Variants in SNTG1 observed in about 807,000 individuals in gnomAD.
The protein encoded by SNTG1 is gamma-1-syntrophin.
SNTG1 carries 39 observed loss-of-function variants against 74.7 expected under a neutral mutation model. The observed-to-expected ratio is 0.52, with a 90% CI of 0.40 to 0.68. The LOEUF (loss-of-function observed/expected upper bound fraction) is 0.68, where lower values mean the gene tolerates loss of function less well. Ranked by LOEUF, SNTG1 falls within the 30% of genes least tolerant of loss-of-function variation. SNTG1 has a pLI of 0.00. For missense variants in SNTG1, 685 were observed against 609.5 expected (o/e 1.12, Z -1.30); for synonymous variants, 254 against 217.1 (o/e 1.17, Z -1.49).
intron 1 of SNTG1, among the ~76,000 whole-genome samples, chr8:49,944,736 A>T (rs923009228): frequency 6.6e-6 from 1 of 152,026 alleles, no homozygotes; most frequent in African/African-American, 2.4e-5. Flanking sequence ...TAATAAAAAA[A>T]ATCCATGTAA....
At chr8:50,495,860 A>G (rs947075943) in intron 8 of SNTG1, among the ~76,000 whole-genome samples, 2 of 152,142 alleles carry the variant, frequency 1.3e-5, no homozygotes, top group Middle Eastern at 3.2e-3. Flanking sequence ...TGGTAGACAC[A>G]CAAATGGCAG....
chr8:50,382,155 A>G (rs2092498610), intron 2 of SNTG1: 1 of 152,024 alleles, frequency 6.6e-6, no homozygotes, highest in South Asian at 2.1e-4. Context: ...TCAAATGTTA[A>G]TCTTGGCAAA....
chr8:50,119,108 T>A (rs1209451758), intron 1 of SNTG1, among the ~76,000 whole-genome samples: 1 of 141,136 alleles, frequency 7.1e-6, no homozygotes, highest in Admixed American at 7.3e-5. Context: ...ACAAAACACC[T>A]CTGGAAGTAA....
intron 9 of SNTG1, among the ~76,000 whole-genome samples, chr8:50,515,025 A>G (rs543179745): frequency 7.3e-4 from 111 of 152,324 alleles, no homozygotes; most frequent in Admixed American, 5.9e-4. Context: ...TGTCTGGAAT[A>G]AATATGGTCA....
intron 2 of SNTG1, among the ~76,000 whole-genome samples, chr8:50,284,889 T>C (rs1681415611): frequency 6.6e-6 from 1 of 152,156 alleles, no homozygotes. Context: ...TATATTCACA[T>C]TTTTGCAAAA....
intron 9 of SNTG1, among the ~76,000 whole-genome samples, chr8:50,524,452 C>T (rs972090685): frequency 1.3e-4 from 19 of 151,934 alleles, no homozygotes; most frequent in African/African-American, 4.3e-4. Context: ...TTATTAAATA[C>T]TATTAACCGT....
chr8:50,313,471 C>A (rs1056241237), intron 2 of SNTG1, among the ~76,000 whole-genome samples: 2 of 149,542 alleles, frequency 1.3e-5, no homozygotes, highest in Admixed American at 6.8e-5. Flanking sequence ...AGCAGGAAAA[C>A]AATCCTGTGA....
In SNTG1 at chr8:50,791,542, C is replaced by T. The variant is rs2095690625; in HGVS notation, c.1396-1129C>T. 2.0e-5 allele frequency among the ~76,000 whole-genome samples: 3 copies of T among 151,692 alleles called. No homozygotes were observed. The South Asian group carries it at 6.2e-4, about 31-fold the overall frequency. ...CGGATGAATTATTTTATTTAAATAG[C>T]TGTCTGGTACACGACAGATATTACA... is the stretch of plus-strand genomic sequence containing the variant. On this transcript the variant is annotated intron_variant, in intron 18 of 18. Coordinates refer to ENST00000642720, the MANE Select transcript of SNTG1 (RefSeq NM_018967.5).
At chr8:50,549,866 ACTT>A (rs755154057) in intron 11 of SNTG1, among the ~76,000 whole-genome samples, 4 of 152,158 alleles carry the variant, frequency 2.6e-5, no homozygotes, top group African/African-American at 7.2e-5. Flanking sequence ...GATTCTACTC[ACTT>A]CTTCTTAATT....
At chr8:50,463,874 C>A (rs1311697085) in intron 8 of SNTG1, among the ~76,000 whole-genome samples, 1 of 152,202 alleles carries the variant, frequency 6.6e-6, no homozygotes, top group Non-Finnish European at 1.5e-5. Flanking sequence ...ATTTTGTCTA[C>A]AGTGAAAAAT....
In SNTG1 at chr8:50,792,934, G is replaced by A; in HGVS notation, c.*105G>A. The stretch of plus-strand genomic sequence containing the variant: ...CCATAACATCACCAAGTCGACAGTG[G>A]AGGCAAATCAAAATTTCGGCAGAAA... On this transcript the variant is annotated 3_prime_UTR_variant, in exon 19 of 19. Transcript: ENST00000642720. 7.7e-7 allele frequency: 1 copy of A among 1,301,738 alleles called. No homozygotes were observed. 80.6% of individuals were successfully genotyped at this position (1,301,738 alleles called of 1,614,324 possible).
rs778540638 is a variant in SNTG1 at position 50,792,872 on chromosome 8, A to G, written c.*43A>G. ...TGACACACCCCATGACTGTATAAGCAGGACACATTTACTCATCATTTTAGA... is the reference window on the plus strand; with the variant it reads ...TGACACACCCCATGACTGTATAAGCGGGACACATTTACTCATCATTTTAGA... On this transcript the variant is annotated 3_prime_UTR_variant, in exon 19 of 19. Transcript: ENST00000642720. 2 of 1,548,598 alleles carry G rather than the reference A, an allele frequency of 1.3e-6. No homozygotes were observed. Among genetic ancestry groups the G allele is most frequent in the South Asian group, 1.3e-5 (1 of 79,662 alleles).
intron 1 of SNTG1, among the ~76,000 whole-genome samples, chr8:50,061,753 T>C (rs953932405): frequency 2.6e-5 from 4 of 152,194 alleles, no homozygotes; most frequent in Non-Finnish European, 4.4e-5. Context: ...TTGCAGTATA[T>C]GGCTTAATTT....
chr8:50,694,714 T>C (rs1231438843), intron 15 of SNTG1, among the ~76,000 whole-genome samples: 1 of 151,990 alleles, frequency 6.6e-6, no homozygotes, highest in Non-Finnish European at 1.5e-5. Context: ...CAACAACACA[T>C]TAAAATAATC....
chr8:50,558,265 T>C (rs1213281877), intron 12 of SNTG1, among the ~76,000 whole-genome samples: 3 of 152,202 alleles, frequency 2.0e-5, no homozygotes, highest in Admixed American at 6.5e-5. Context: ...CAGGGGGGCC[T>C]TGGAGTCAGC....
At chr8:50,081,048 A>G (rs192188187) in intron 1 of SNTG1, among the ~76,000 whole-genome samples, 62 of 152,202 alleles carry the variant, frequency 4.1e-4, no homozygotes, top group African/African-American at 1.4e-3. Flanking sequence ...TATAATATCT[A>G]TATTTAATAA....
At chr8:50,630,434 A>T (rs920766925) in intron 13 of SNTG1, among the ~76,000 whole-genome samples, 2 of 152,152 alleles carry the variant, frequency 1.3e-5, no homozygotes, top group African/African-American at 4.8e-5. Context: ...TGCCAACCAA[A>T]TCTTTTCTCC....
chr8:50,605,051 C>G (rs539341149), intron 13 of SNTG1, among the ~76,000 whole-genome samples: 2 of 152,144 alleles, frequency 1.3e-5, no homozygotes, highest in African/African-American at 4.8e-5. Flanking sequence ...GAGCTAGAGC[C>G]TGGAATGTGG....
intron 15 of SNTG1, among the ~76,000 whole-genome samples, chr8:50,698,061 T>C (rs533516185): frequency 6.6e-6 from 1 of 152,292 alleles, no homozygotes; most frequent in African/African-American, 2.4e-5. Flanking sequence ...CATCTGTTCC[T>C]GGGATTTTCT....
Sources: allele counts gnomAD v4.1 joint callset (sites outside exome capture counted in the v4.1 genomes callset), GRCh38; gene constraint gnomAD v4.1.1; transcripts MANE v1.5; gene names NCBI Gene and HGNC (gene_info 2026-07-23, HGNC 2026-07-21).